COL16A1: variants seen among roughly 807,000 people sequenced by gnomAD.
COL16A1 encodes the protein collagen type XVI alpha 1 chain, also known as collagen alpha-1(XVI) chain.
Under a neutral mutation model 266.3 loss-of-function variants are expected in COL16A1, and 189 were observed. That is an observed-to-expected ratio of 0.71 (90% CI 0.63 to 0.80). The LOEUF (loss-of-function observed/expected upper bound fraction) is 0.80, where lower values mean the gene tolerates loss of function less well. Ranked by LOEUF, COL16A1 falls within the 30% of genes least tolerant of loss-of-function variation. COL16A1 has a pLI of 0.00. For synonymous variants in COL16A1, 740 were observed against 782.3 expected (o/e 0.95, Z 0.90); for missense variants, 1,928 against 2,122.4 (o/e 0.91, Z 1.80).
intron 37 of COL16A1, among the ~76,000 whole-genome samples, chr1:31,681,866 C>G (rs1189957066): frequency 1.3e-5 from 2 of 152,240 alleles, no homozygotes; most frequent in African/African-American, 2.4e-5. Flanking sequence ...CCCTGGCTGT[C>G]CAGCTCTGAG....
chr1:31,694,176 G>A lies in COL16A1; in HGVS notation c.982-6C>T. ...CCAGAGGGAGCAAGTGTGACCTGAG[G>A]GGACAGAGGAGAGGGCATCACACTT... On this transcript the variant is annotated splice_polypyrimidine_tract_variant and splice_region_variant and intron_variant, in intron 11 of 70. Transcript: ENST00000373672. 6 of 1,587,216 alleles carry A rather than the reference G, an allele frequency of 3.8e-6. No homozygotes were observed. Among genetic ancestry groups the A allele is most frequent in the South Asian group, 3.5e-5 (3 of 86,352 alleles).
chr1:31,675,178 AC>A, intron 43 of COL16A1, 79 bp downstream of exon 43: 1 of 1,612,258 alleles, frequency 6.2e-7, no homozygotes, highest in East Asian at 2.2e-5. Context: ...CACTGCAGCT[AC>A]CGGGCCAGCT....
At chr1:31,696,040 A>T (rs1419789848) in intron 9 of COL16A1, 48 bp downstream of exon 9, 1 of 1,529,758 alleles carries the variant, frequency 6.5e-7, no homozygotes. Context: ...AGGGGCACAG[A>T]GGGCAGACTG....
Position 31,668,092 on chromosome 1 carries a change from G to C in COL16A1, c.3303+73C>G. On this transcript the variant is annotated intron_variant, in intron 51 of 70. Transcript: ENST00000373672. The surrounding 1 kb of genome is among the most constrained non-coding windows in gnomAD (Gnocchi z 5.8). ...GAGCCCGCCGAGGGTTGCCCAGCCT[G>C]GCTGTGTCCTGACCACCAGCCCAAA... The C allele has an allele frequency of 7.2e-7, 1 of 1,385,066 alleles. No homozygotes were observed. Among genetic ancestry groups the C allele is most frequent in the South Asian group, 1.2e-5 (1 of 82,092 alleles). The allele number at this position is 1,385,066 out of a possible 1,614,324, so 85.8% of individuals were successfully genotyped here. A position where few individuals can be genotyped will look rare whatever the true frequency, so the allele number is the denominator to read the frequency against.
rs1044388327 is a variant in COL16A1, at chr1:31,695,806, G to C, written c.919-19C>G. 2.5e-6 allele frequency: 4 copies of C among 1,610,352 alleles called. No homozygotes were observed. In the African/African-American group the frequency reaches 5.3e-5, roughly 22 times the overall value. On this transcript the variant is annotated intron_variant, in intron 9 of 70. Transcript: ENST00000373672. The stretch of plus-strand genomic sequence containing the variant: ...GATGGACCTGAGGAAAGGGTGGGGG[G>C]TGTGGGAATGGGCAGGGAGCTCAGG...
At chr1:31,667,354 G>A (rs1423887115) in intron 52 of COL16A1, among the ~76,000 whole-genome samples, 1 of 152,166 alleles carries the variant, frequency 6.6e-6, no homozygotes, top group African/African-American at 2.4e-5. Context: ...GCGGAGGAGT[G>A]CTTCTGCGGC....
intron 70 of COL16A1, 58 bp downstream of exon 70, chr1:31,653,541 A>G: frequency 6.4e-7 from 1 of 1,552,396 alleles, no homozygotes; most frequent in Non-Finnish European, 8.7e-7. Context: ...GAAGAAACAG[A>G]AAGAAAAGGG....
chr1:31,695,088 C>T lies in COL16A1; in HGVS notation c.981+98G>A, dbSNP rs1218054956. On this transcript the variant is annotated intron_variant, in intron 11 of 70. Transcript: ENST00000373672. ...GAGCGAGTGTGAAAGTGTACAAAGA[C>T]CCCCTTGTCCTCACCCAGGAGGCTG... The T allele has an allele frequency of 5.6e-6, 7 of 1,257,810 alleles. 1 individual carries two copies. The highest frequency in any genetic ancestry group is 1.9e-5 in the Admixed American group (1 of 53,540). 77.9% of individuals were successfully genotyped at this position (1,257,810 alleles called of 1,614,324 possible).
At chr1:31,673,820 G>A (rs1203881243) in intron 44 of COL16A1, among the ~76,000 whole-genome samples, 5 of 152,256 alleles carry the variant, frequency 3.3e-5, no homozygotes, top group Admixed American at 1.3e-4. Context: ...GCAGGTGGTG[G>A]CTGGGGCTCT....
intron 23 of COL16A1, 66 bp downstream of exon 23, chr1:31,689,675 T>C (rs932282107): frequency 1.3e-5 from 17 of 1,328,038 alleles, no homozygotes; most frequent in Non-Finnish European, 3.3e-6. Flanking sequence ...TTCCTCTCTA[T>C]GATCATGTCC....
chr1:31,689,093 G>A lies in COL16A1; in HGVS notation c.1621-8C>T. Reference sequence around the variant, plus strand: ...TTGGATGCCAGGGTCTCCCTGCAGGGTAAAAAGGTTTGTGGGCTGAGGCAG... The same window carrying A: ...TTGGATGCCAGGGTCTCCCTGCAGGATAAAAAGGTTTGTGGGCTGAGGCAG... On this transcript the variant is annotated splice_polypyrimidine_tract_variant and splice_region_variant and intron_variant, in intron 23 of 70. Transcript: ENST00000373672. 6.2e-7 allele frequency: 1 copy of A among 1,613,628 alleles called. No individual in the cohort carries two copies. Among genetic ancestry groups the A allele is most frequent in the South Asian group, 1.1e-5 (1 of 91,070 alleles).
At chr1:31,700,895 T>G (rs1324793719) in intron 2 of COL16A1, among the ~76,000 whole-genome samples, 1 of 152,176 alleles carries the variant, frequency 6.6e-6, no homozygotes, top group African/African-American at 2.4e-5. Flanking sequence ...GGAGATAGCT[T>G]AACTCAGGTT....
In COL16A1 at chr1:31,655,365, T is replaced by C. The variant is rs1293889824; in HGVS notation, c.4239A>G (p.Gly1413=). Residue 1413 remains glycine (G), a synonymous_variant, in exon 67 of 71, where the codon GGA becomes GGG. Coordinates refer to ENST00000373672, the MANE Select transcript of COL16A1 (RefSeq NM_001856.4). The stretch of plus-strand genomic sequence containing the variant: ...CAGGGCTCCCCGAAGGCCCCGGAGC[T>C]CCAGGGTGGCCTCTCTCTCCTGCAG... ...PGPAGERGHP[G]APGPSGSPGL... 6.2e-7 allele frequency: 1 copy of C among 1,613,806 alleles called. No individual in the cohort carries two copies. The highest frequency in any genetic ancestry group is 2.2e-5 in the East Asian group (1 of 44,846).
At position 31,665,941 on chromosome 1, in the gene COL16A1, A is replaced by G. The variant is rs749393199; in HGVS notation, c.3403-6T>C. On this transcript the variant is annotated splice_region_variant and splice_polypyrimidine_tract_variant and intron_variant, in intron 53 of 70. Coordinates refer to ENST00000373672, the MANE Select transcript of COL16A1 (RefSeq NM_001856.4). ...CCTCGCTCTCCTCTGGGACCCTGTCACCCACAGAGAACAATGCAGCCGAAA... is the reference window on the plus strand; with the variant it reads ...CCTCGCTCTCCTCTGGGACCCTGTCGCCCACAGAGAACAATGCAGCCGAAA... 17 of 1,613,944 alleles carry G rather than the reference A, an allele frequency of 1.1e-5. No individual in the cohort carries two copies. Among genetic ancestry groups the G allele is most frequent in the South Asian group, 8.8e-5 (8 of 91,060 alleles).
chr1:31,660,999 C>G, intron 61 of COL16A1, 67 bp downstream of exon 61: 1 of 1,485,342 alleles, frequency 6.7e-7, no homozygotes, highest in East Asian at 2.5e-5. Flanking sequence ...GAAGAAGCGG[C>G]TGCATCCCAG....
In COL16A1 at chr1:31,668,452, G is replaced by C. The variant is rs1257176384; in HGVS notation, c.3250-234C>G. ...CAGCCTGGCCCAGACCCTGAGAGCT[G>C]AGCCGGAGCAGGGAGCCCAGAGCAG... On this transcript the variant is annotated intron_variant, in intron 50 of 70. Transcript: ENST00000373672. This position sits in a 1 kb window ranked among gnomAD's most constrained non-coding sequence, Gnocchi z 5.8. Among the ~76,000 whole-genome samples the C allele has an allele frequency of 6.6e-6, 1 of 152,138 alleles. No homozygotes were observed. Among genetic ancestry groups the C allele is most frequent in the Non-Finnish European group, 1.5e-5 (1 of 68,012 alleles).
chr1:31,674,685 G>A (rs1474727270), intron 44 of COL16A1, among the ~76,000 whole-genome samples: 1 of 152,212 alleles, frequency 6.6e-6, no homozygotes, highest in Non-Finnish European at 1.5e-5. Flanking sequence ...AAGCTGCTGG[G>A]CTCTGCCGCA....
In COL16A1 at chr1:31,683,976, C is replaced by T. The variant is rs1279223013; in HGVS notation, c.2311G>A (p.Gly771Arg). Residue 771 changes from glycine (G) to arginine (R), a missense_variant, in exon 33 of 71, where the codon GGG becomes AGG. Around this residue, in one of 2 missense-constraint regions of COL16A1, gnomAD observed 1,552 missense variants for 1,637.2 expected, o/e 0.95. Transcript: ENST00000373672. ...PGQPGLPGVQ[G>R]PPGLKGVQGE... ...TGCACGCCCTTCAGTCCTGGGGGCC[C>T]TTGAACTCCTGGTAGACCGGGTTGG... 7.4e-6 allele frequency: 12 copies of T among 1,614,220 alleles called. No individual in the cohort carries two copies. Among genetic ancestry groups the T allele is most frequent in the Non-Finnish European group, 1.0e-5 (12 of 1,180,028 alleles).
rs188419595 is a variant in COL16A1, at chr1:31,655,252, A to T, written c.4290+62T>A. 2.3e-5 allele frequency: 36 copies of T among 1,544,230 alleles called. No individual in the cohort carries two copies. In the African/African-American group the frequency reaches 4.7e-4, roughly 20 times the overall value. ...CAGCAGGAGCTTGGAAGATGATCCG[A>T]GCTCCACCCCACATGCCTGCTCTAT... is the stretch of plus-strand genomic sequence containing the variant. On this transcript the variant is annotated intron_variant, in intron 67 of 70. Transcript: ENST00000373672.
Sources: allele counts gnomAD v4.1 joint callset (sites outside exome capture counted in the v4.1 genomes callset), GRCh38; gene constraint gnomAD v4.1.1; regional missense constraint gnomAD v4.1.1; non-coding constraint Gnocchi (gnomAD v3.1); transcripts MANE v1.5; gene names NCBI Gene and HGNC (gene_info 2026-07-23, HGNC 2026-07-21).